Variants in KCND2 observed in about 807,000 individuals in gnomAD.
KCND2 encodes A-type voltage-gated potassium channel KCND2.
A neutral mutation model predicts 54.4 loss-of-function variants in KCND2; 16 were observed. The ratio of observed to expected loss-of-function variants is 0.29; its 90% CI spans 0.20 to 0.45. KCND2 has a LOEUF of 0.45. Among genes scored for constraint, KCND2 ranks in the 20% least tolerant of loss-of-function variants. The pLI is 1.00. For missense variants in KCND2, 486 were observed against 824.2 expected (o/e 0.59, Z 5.02); for synonymous variants, 317 against 310.7 (o/e 1.02, Z -0.21).
intron 1 of KCND2, among the ~76,000 whole-genome samples, chr7:120,536,522 C>G (rs1791909100): frequency 6.6e-6 from 1 of 152,126 alleles, no homozygotes; most frequent in Non-Finnish European, 1.5e-5. Context: ...CAATTGGAGT[C>G]AATCTTCTCA....
At chr7:120,353,143 T>A (rs371756850) in intron 1 of KCND2, among the ~76,000 whole-genome samples, 21 of 146,504 alleles carry the variant, frequency 1.4e-4, no homozygotes, top group Admixed American at 1.3e-3. Context: ...CTTTTTTTTT[T>A]TTTTTTTTTT....
At chr7:120,555,302 A>G (rs17347436) in intron 1 of KCND2, among the ~76,000 whole-genome samples, 5,998 of 152,278 alleles carry the variant, frequency 0.039, 155 homozygotes, top group Non-Finnish European at 0.066. Flanking sequence ...GGAGACAAAC[A>G]TATTCATATT....
intron 1 of KCND2, among the ~76,000 whole-genome samples, chr7:120,573,114 A>G (rs960765868): frequency 7.2e-5 from 11 of 152,210 alleles, no homozygotes; most frequent in Admixed American, 3.3e-4. Flanking sequence ...CCCAATTACA[A>G]TTCTCGAAAT....
chr7:120,511,866 A>G (rs1421523203), intron 1 of KCND2, among the ~76,000 whole-genome samples: 3 of 152,112 alleles, frequency 2.0e-5, no homozygotes, highest in Non-Finnish European at 2.9e-5. Flanking sequence ...TCCTCACAAA[A>G]CGGAATTTCA....
chr7:120,400,282 T>A (rs1801230675), intron 1 of KCND2, among the ~76,000 whole-genome samples: 1 of 152,182 alleles, frequency 6.6e-6, no homozygotes, highest in South Asian at 2.1e-4. Context: ...GGAGGAGTAC[T>A]TTAGGCTCCT....
At chr7:120,542,215 G>A (rs1239340225) in intron 1 of KCND2, among the ~76,000 whole-genome samples, 2 of 152,074 alleles carry the variant, frequency 1.3e-5, no homozygotes, top group African/African-American at 4.8e-5. Context: ...TATTGGATTA[G>A]ATTCAAATGT....
intron 1 of KCND2, among the ~76,000 whole-genome samples, chr7:120,615,414 A>C (rs763454559): frequency 1.1e-4 from 17 of 152,184 alleles, no homozygotes; most frequent in Non-Finnish European, 2.1e-4. Context: ...ACATATAAAG[A>C]TTTCACTATA....
intron 1 of KCND2, among the ~76,000 whole-genome samples, chr7:120,574,775 C>G (rs1213726944): frequency 1.3e-5 from 2 of 152,078 alleles, no homozygotes; most frequent in Non-Finnish European, 2.9e-5. Flanking sequence ...ACTCCCCTTT[C>G]TCTTTCTTCA....
chr7:120,481,673 T>C (rs1802610076), intron 1 of KCND2, among the ~76,000 whole-genome samples: 1 of 152,176 alleles, frequency 6.6e-6, no homozygotes, highest in South Asian at 2.1e-4. Context: ...AGAACTCTGC[T>C]CCCTGCATTC....
chr7:120,444,146 G>A (rs930053103), intron 1 of KCND2, among the ~76,000 whole-genome samples: 5 of 152,014 alleles, frequency 3.3e-5, no homozygotes, highest in South Asian at 2.1e-4. Flanking sequence ...TTCACTGAGC[G>A]CTTACCACAT....
Position 120,732,909 on chromosome 7 carries a change from T to G in KCND2, c.1122T>G (p.Gly374=), listed in dbSNP as rs35079158. 6.2e-7 allele frequency: 1 copy of G among 1,613,130 alleles called. No individual in the cohort carries two copies. Among genetic ancestry groups the G allele is most frequent in the Non-Finnish European group, 8.5e-7 (1 of 1,179,276 alleles). The change falls in exon 2 of 6, where the codon GGT becomes GGG. Residue 374 remains glycine, a synonymous_variant. Transcript: ENST00000331113. Reference sequence around the variant, plus strand: ...TATTTTTTCTTTAACTCAGGTATGGTGACATGGTGCCAAAAACCATAGCAG... The same window carrying G: ...TATTTTTTCTTTAACTCAGGTATGGGGACATGGTGCCAAAAACCATAGCAG... The part of the protein sequence containing the change: ...TIVTMTTLGY[G]DMVPKTIAGK...
intron 3 of KCND2, 126 bp from the exon 4 acceptor site, chr7:120,742,384 T>C (rs1471372045): frequency 1.2e-6 from 1 of 800,850 alleles, no homozygotes; most frequent in African/African-American, 1.7e-5. Flanking sequence ...ATTTGTTCCT[T>C]TCTAGTTAGA....
chr7:120,407,771 AC>A (rs1480858392), intron 1 of KCND2, among the ~76,000 whole-genome samples: 3 of 151,444 alleles, frequency 2.0e-5, no homozygotes, highest in Non-Finnish European at 1.5e-5. Flanking sequence ...TATTATAAAA[AC>A]ATTAACATAT....
At chr7:120,290,721 A>G (rs1229446947) in intron 1 of KCND2, among the ~76,000 whole-genome samples, 1 of 152,024 alleles carries the variant, frequency 6.6e-6, no homozygotes, top group Non-Finnish European at 1.5e-5. Flanking sequence ...TAAGAGCTAC[A>G]CATATATGGA....
intron 1 of KCND2, among the ~76,000 whole-genome samples, chr7:120,592,422 C>T (rs931301857): frequency 1.3e-5 from 2 of 152,008 alleles, no homozygotes; most frequent in Non-Finnish European, 2.9e-5. Flanking sequence ...GTGGTGATCC[C>T]AGCTACTCAG....
intron 1 of KCND2, among the ~76,000 whole-genome samples, chr7:120,389,887 A>T (rs1801046949): frequency 6.6e-6 from 1 of 151,904 alleles, no homozygotes; most frequent in African/African-American, 2.4e-5. Context: ...TCTGTTCAAT[A>T]AATGGAGTCA....
Position 120,673,910 on chromosome 7 carries a change from T to A in KCND2, c.1116-58993T>A, listed in dbSNP as rs907809326. Among the ~76,000 whole-genome samples, 39 of 107,620 alleles carry A rather than the reference T, an allele frequency of 3.6e-4. 1 individual carries two copies. The highest frequency in any genetic ancestry group is 2.8e-3 in the East Asian group (13 of 4,722). The allele number at this position is 107,620 out of a possible 152,430, so 70.6% of individuals were successfully genotyped here. A position where few individuals can be genotyped will look rare whatever the true frequency, so the allele number is the denominator to read the frequency against. ...CCTCATTACCTGCCTCTTTTATTTATTTTTTTTTTTTTCTACAGGAGCCTC... is the reference window on the plus strand; with the variant it reads ...CCTCATTACCTGCCTCTTTTATTTAATTTTTTTTTTTTCTACAGGAGCCTC... On this transcript the variant is annotated intron_variant, in intron 1 of 5. Transcript: ENST00000331113.
chr7:120,727,724 A>G (rs1363295451), intron 1 of KCND2, among the ~76,000 whole-genome samples: 1 of 152,194 alleles, frequency 6.6e-6, no homozygotes, highest in Non-Finnish European at 1.5e-5. Context: ...AAAGGGAGCC[A>G]TAAACATGAG....
intron 1 of KCND2, among the ~76,000 whole-genome samples, chr7:120,727,185 T>G (rs1259825379): frequency 6.6e-6 from 1 of 152,108 alleles, no homozygotes. Flanking sequence ...GCTAACAGTA[T>G]TGTTTGAAGA....
Sources: allele counts gnomAD v4.1 joint callset (sites outside exome capture counted in the v4.1 genomes callset), GRCh38; gene constraint gnomAD v4.1.1; transcripts MANE v1.5; gene names NCBI Gene and HGNC (gene_info 2026-07-23, HGNC 2026-07-21).